Variants in ABCD2 observed in about 807,000 individuals in gnomAD.
ABCD2 encodes ATP binding cassette subfamily D member 2.
A neutral mutation model predicts 70.9 loss-of-function variants in ABCD2; 36 were observed. That is an observed-to-expected ratio of 0.51 (90% CI 0.39 to 0.67). The LOEUF (loss-of-function observed/expected upper bound fraction) is 0.67, where lower values mean the gene tolerates loss of function less well. ABCD2 is among the 30% of genes least tolerant of loss of function. ABCD2 has a pLI of 0.00. For missense variants in ABCD2, 729 were observed against 890.2 expected (o/e 0.82, Z 2.30); for synonymous variants, 304 against 306.9 (o/e 0.99, Z 0.10).
intron 2 of ABCD2, among the ~76,000 whole-genome samples, chr12:39,610,549 C>T (rs1200601186): frequency 2.0e-5 from 3 of 152,136 alleles, no homozygotes; most frequent in African/African-American, 7.2e-5. Flanking sequence ...AGTTTTGGCT[C>T]ATAGAAAATC....
Position 39,617,202 on chromosome 12 carries a change from T to A in ABCD2, c.940-34A>T, listed in dbSNP as rs1346137306. On this transcript the variant is annotated intron_variant, in intron 1 of 9. Transcript: ENST00000308666. ...AGGAAAAAGAGTTGAGGACTTTTTT[T>A]AAAGATATATACATATTATTCTTTT... The A allele has an allele frequency of 9.1e-6, 13 of 1,426,712 alleles. No homozygotes were observed. In the African/African-American group the frequency reaches 1.2e-4, roughly 13 times the overall value. 88.4% of individuals were successfully genotyped at this position (1,426,712 alleles called of 1,614,324 possible).
In ABCD2 at chr12:39,552,004, A is replaced by T. The variant is rs1358027120; in HGVS notation, c.*1908T>A. On this transcript the variant is annotated 3_prime_UTR_variant, in exon 10 of 10. Transcript: ENST00000308666. Reference sequence around the variant, plus strand: ...CTGGATAATCACTTATGTAGAAAAGATTAATGAATAATTTTTAGCAAGTTT... The same window carrying T: ...CTGGATAATCACTTATGTAGAAAAGTTTAATGAATAATTTTTAGCAAGTTT... 6.6e-6 allele frequency: 1 copy of T among 151,808 alleles called. No homozygotes were observed. Among genetic ancestry groups the T allele is most frequent in the East Asian group, 1.9e-4 (1 of 5,196 alleles). The allele number at this position is 151,808 out of a possible 1,614,324, so 9.4% of individuals were successfully genotyped here.
chr12:39,544,929 G>T, the ABCD2 span, among the ~76,000 whole-genome samples: 9 of 152,176 alleles, frequency 5.9e-5, no homozygotes, highest in Non-Finnish European at 1.2e-4. Flanking sequence ...GTCCTAGGAT[G>T]AGTAGTACAA....
At chr12:39,611,943 G>A (rs1482241795) in intron 2 of ABCD2, among the ~76,000 whole-genome samples, 1 of 151,992 alleles carries the variant, frequency 6.6e-6, no homozygotes, top group Non-Finnish European at 1.5e-5. Flanking sequence ...AAGACTTACA[G>A]GCACGTCATA....
intron 8 of ABCD2, among the ~76,000 whole-genome samples, chr12:39,574,967 AT>A (rs950022006): frequency 1.3e-5 from 2 of 152,178 alleles, no homozygotes; most frequent in Non-Finnish European, 2.9e-5. Context: ...AGATCAGTGC[AT>A]GTTCTCCATG....
rs1157423133 is a variant in ABCD2, at chr12:39,575,580, A to G, written c.1878-1739T>C. Among the ~76,000 whole-genome samples, 5 of 152,220 alleles carry G rather than the reference A, an allele frequency of 3.3e-5. No individual in the cohort carries two copies. The East Asian group carries it at 5.8e-4, about 18-fold the overall frequency. ...TATTAAAACATTTAAAATCCTCTCA[A>G]AAAGAGAATACTATTGTGATGCTTA... On this transcript the variant is annotated intron_variant, in intron 8 of 9. Coordinates refer to ENST00000308666, the MANE Select transcript of ABCD2 (RefSeq NM_005164.4).
intron 7 of ABCD2, among the ~76,000 whole-genome samples, chr12:39,579,910 T>C (rs575022386): frequency 4.6e-4 from 70 of 152,314 alleles, no homozygotes; most frequent in African/African-American, 1.5e-3. Context: ...GGTGGGTTGA[T>C]AGGCTTATAC....
intron 7 of ABCD2, among the ~76,000 whole-genome samples, chr12:39,580,958 G>A (rs950256698): frequency 6.6e-6 from 1 of 152,170 alleles, no homozygotes; most frequent in African/African-American, 2.4e-5. Context: ...TTTTGCTGGT[G>A]AGAAGAAAAA....
chr12:39,608,723 TATAAA>T (rs1942005778), intron 2 of ABCD2, among the ~76,000 whole-genome samples: 2 of 151,814 alleles, frequency 1.3e-5, no homozygotes, highest in Non-Finnish European at 2.9e-5. Flanking sequence ...AATAATAAAA[TATAAA>T]ATAAAATACC....
chr12:39,606,354 G>A (rs577400805), intron 3 of ABCD2, among the ~76,000 whole-genome samples: 5 of 152,254 alleles, frequency 3.3e-5, no homozygotes, highest in South Asian at 2.1e-4. Context: ...TTCATGTGCC[G>A]TCACAGCAGT....
the ABCD2 span, among the ~76,000 whole-genome samples, chr12:39,542,334 G>A: frequency 1.3e-5 from 2 of 151,794 alleles, no homozygotes; most frequent in African/African-American, 4.8e-5. Context: ...GTGGTGGCAC[G>A]AACCTGTAGT....
chr12:39,569,619 C>A (rs539394017), intron 9 of ABCD2, among the ~76,000 whole-genome samples: 2 of 152,282 alleles, frequency 1.3e-5, no homozygotes, highest in Non-Finnish European at 2.9e-5. Context: ...GCTCGGTGGT[C>A]TGCACCCACT....
chr12:39,595,405 A>G (rs1354759471), intron 6 of ABCD2, among the ~76,000 whole-genome samples: 1 of 152,188 alleles, frequency 6.6e-6, no homozygotes, highest in Non-Finnish European at 1.5e-5. Flanking sequence ...AATTACTTAA[A>G]AATACTCTAT....
At chr12:39,578,881 G>A (rs1463789127) in intron 8 of ABCD2, among the ~76,000 whole-genome samples, 1 of 152,014 alleles carries the variant, frequency 6.6e-6, no homozygotes, top group East Asian at 1.9e-4. Flanking sequence ...TTTACTGAAT[G>A]TCTACCTATT....
chr12:39,563,127 A>G (rs1372290653), intron 9 of ABCD2, among the ~76,000 whole-genome samples: 1 of 152,206 alleles, frequency 6.6e-6, no homozygotes, highest in Admixed American at 6.5e-5. Flanking sequence ...TATGCTAAAA[A>G]CACTCAACAA....
intron 2 of ABCD2, among the ~76,000 whole-genome samples, chr12:39,613,183 G>A (rs1469009537): frequency 1.1e-5 from 1 of 88,986 alleles, no homozygotes; most frequent in Non-Finnish European, 2.1e-5. Context: ...TCAGGAGATC[G>A]AGACCATCCC....
chr12:39,570,941 A>G (rs1566545921), intron 9 of ABCD2, among the ~76,000 whole-genome samples: 1 of 152,344 alleles, frequency 6.6e-6, no homozygotes, highest in Admixed American at 6.5e-5. Context: ...GAAGATCTGA[A>G]TGAACATTTC....
At chr12:39,545,834 C>G (rs1315659709), downstream of ABCD2, among the ~76,000 whole-genome samples, 5 of 152,088 alleles carry the variant, frequency 3.3e-5, no homozygotes, top group Admixed American at 2.0e-4. Context: ...ATTCCTGGAC[C>G]TGTCCACCTG....
At chr12:39,569,725 G>C (rs1470825878) in intron 9 of ABCD2, among the ~76,000 whole-genome samples, 1 of 152,124 alleles carries the variant, frequency 6.6e-6, no homozygotes, top group Non-Finnish European at 1.5e-5. Flanking sequence ...GCTGATGCTG[G>C]GAGTTGTAGA....
Sources: gnomAD v4.1 joint callset for allele counts (sites outside exome capture counted in the v4.1 genomes callset) on GRCh38, gnomAD v4.1.1 for gene constraint, MANE v1.5 for transcripts, NCBI Gene and HGNC (gene_info 2026-07-23, HGNC 2026-07-21) for gene names.